Variants in KCNMA1 observed in about 807,000 individuals in gnomAD.
KCNMA1 encodes the protein Calcium-activated potassium channel subunit alpha-1.
Under a neutral mutation model 140.0 loss-of-function variants are expected in KCNMA1, and 29 were observed. The observed-to-expected ratio is 0.21, with a 90% confidence interval of 0.15 to 0.28. The LOEUF (loss-of-function observed/expected upper bound fraction) is 0.28. Among genes scored for constraint, KCNMA1 ranks in the 10% least tolerant of loss-of-function variants. The pLI, the probability that KCNMA1 is intolerant of heterozygous loss-of-function variation, is 1.00. For synonymous variants in KCNMA1, 612 were observed against 611.9 expected (o/e 1.00, Z 0.00); for missense variants, 880 against 1,602.2 (o/e 0.55, Z 7.70).
At chr10:77,522,857 ACT>A (rs138508472) in intron 1 of KCNMA1, among the ~76,000 whole-genome samples, 109 of 152,046 alleles carry the variant, frequency 7.2e-4, no homozygotes, top group African/African-American at 2.6e-3. Flanking sequence ...ATAAACCCAA[ACT>A]CTTCCATTTG....
intron 9 of KCNMA1, among the ~76,000 whole-genome samples, chr10:77,105,623 T>A (rs1032701433): frequency 1.3e-5 from 2 of 152,198 alleles, no homozygotes; most frequent in Non-Finnish European, 2.9e-5. Flanking sequence ...AGAACATGTA[T>A]GTGTGTGTCC....
chr10:77,470,450 G>A (rs1388858015), intron 1 of KCNMA1, among the ~76,000 whole-genome samples: 2 of 152,094 alleles, frequency 1.3e-5, no homozygotes, highest in South Asian at 2.1e-4. Flanking sequence ...TAAACCAAAG[G>A]CCCGGCACCC....
intron 1 of KCNMA1, among the ~76,000 whole-genome samples, chr10:77,429,080 G>C (rs934301456): frequency 3.3e-5 from 5 of 152,184 alleles, no homozygotes; most frequent in Admixed American, 1.3e-4. Context: ...TCTGGTGCCA[G>C]AAATGTGCAG....
chr10:77,367,332 T>C (rs1360502377), intron 2 of KCNMA1, among the ~76,000 whole-genome samples: 1 of 152,186 alleles, frequency 6.6e-6, no homozygotes, highest in Non-Finnish European at 1.5e-5. Flanking sequence ...ATAAAATATT[T>C]GAATTTTATC....
At chr10:77,225,789 G>A (rs1015490815) in intron 3 of KCNMA1, among the ~76,000 whole-genome samples, 1 of 152,222 alleles carries the variant, frequency 6.6e-6, no homozygotes, top group Non-Finnish European at 1.5e-5. Context: ...GGAGGAGCGT[G>A]GCAACCTTCC....
rs552838677 is a variant in KCNMA1, at chr10:77,501,582, G to A, written c.379-97559C>T. Among the ~76,000 whole-genome samples, 13 of 152,244 alleles carry A rather than the reference G, an allele frequency of 8.5e-5. No homozygotes were observed. The South Asian group carries it at 1.2e-3, about 15-fold the overall frequency. On this transcript the variant is annotated intron_variant, in intron 1 of 27. Transcript: ENST00000286628. ...CAGGGCCTCCTTCCCTGATGCACACGGCCCTCTATCCCTGCCCCCCAGCCT... is the reference window on the plus strand; with the variant it reads ...CAGGGCCTCCTTCCCTGATGCACACAGCCCTCTATCCCTGCCCCCCAGCCT...
At chr10:77,589,563 T>C (rs892230865) in intron 1 of KCNMA1, among the ~76,000 whole-genome samples, 9 of 152,186 alleles carry the variant, frequency 5.9e-5, no homozygotes, top group Non-Finnish European at 1.3e-4. Context: ...GTGTACATCC[T>C]ACTGTGTCCG....
At chr10:77,270,417 T>C (rs1600711895) in intron 2 of KCNMA1, among the ~76,000 whole-genome samples, 1 of 152,182 alleles carries the variant, frequency 6.6e-6, no homozygotes, top group Non-Finnish European at 1.5e-5. Flanking sequence ...GTGCTTAGGA[T>C]GATGGCTCAA....
intron 1 of KCNMA1, among the ~76,000 whole-genome samples, chr10:77,472,446 C>T (rs2098185448): frequency 6.7e-6 from 1 of 148,514 alleles, no homozygotes; most frequent in Non-Finnish European, 1.5e-5. Context: ...GCACGTCACA[C>T]ACACATCACA....
rs191850041 is a variant in KCNMA1 at position 77,168,427 on chromosome 10, T to C, written c.808+14994A>G. Among the ~76,000 whole-genome samples the C allele has an allele frequency of 7.2e-5, 11 of 152,322 alleles. No homozygotes were observed. In the East Asian group the frequency reaches 2.1e-3, roughly 29 times the overall value. On this transcript the variant is annotated intron_variant, in intron 5 of 27. Transcript: ENST00000286628. Reference sequence around the variant, plus strand: ...AGTACACTTAGACAAACCTAGATTGTATAGCCTCCTACACACCTAGGCTAT... The same window carrying C: ...AGTACACTTAGACAAACCTAGATTGCATAGCCTCCTACACACCTAGGCTAT...
chr10:77,380,660 C>T (rs1417837555), intron 2 of KCNMA1, among the ~76,000 whole-genome samples: 1 of 152,096 alleles, frequency 6.6e-6, no homozygotes, highest in African/African-American at 2.4e-5. Flanking sequence ...GCTGTAGATC[C>T]ACATCTGGTT....
At position 77,390,837 on chromosome 10, in the gene KCNMA1, CT is replaced by C. The variant is rs138837467; in HGVS notation, c.540+13024del. ...GCAGCCTCTGTCCCCTGAAATGCCACTTTTTTTTTTGTGATTCAGCCTCTGT... is the reference window on the plus strand; with the variant it reads ...GCAGCCTCTGTCCCCTGAAATGCCACTTTTTTTTTGTGATTCAGCCTCTGT... On this transcript the variant is annotated intron_variant, in intron 2 of 27. Coordinates refer to ENST00000286628, the MANE Select transcript of KCNMA1 (RefSeq NM_001161352.2). Among the ~76,000 whole-genome samples, 129 of 149,326 alleles carry C rather than the reference CT, an allele frequency of 8.6e-4. No individual in the cohort carries two copies. In the Middle Eastern group the frequency reaches 0.01, roughly 12 times the overall value.
At chr10:77,202,276 C>A (rs1307114888) in intron 3 of KCNMA1, among the ~76,000 whole-genome samples, 1 of 152,158 alleles carries the variant, frequency 6.6e-6, no homozygotes, top group Non-Finnish European at 1.5e-5. Context: ...CAAAGGAGTG[C>A]TAATTGAGGC....
At chr10:76,960,618 GTTTTTTTTTTTTTTTT>G (rs55685324) in intron 20 of KCNMA1, among the ~76,000 whole-genome samples, 1 of 59,296 alleles carries the variant, frequency 1.7e-5, no homozygotes, top group Non-Finnish European at 3.2e-5. Context: ...TTATGGTTTT[GTTTTTTTTTTTTTTTT>G]TTTTTTTTTT....
chr10:77,374,761 A>G (rs1051611945), intron 2 of KCNMA1, among the ~76,000 whole-genome samples: 2 of 152,178 alleles, frequency 1.3e-5, no homozygotes, highest in African/African-American at 2.4e-5. Flanking sequence ...ACAAACAGAC[A>G]TGAGTCCATT....
chr10:77,547,619 A>G (rs908091768), intron 1 of KCNMA1, among the ~76,000 whole-genome samples: 18 of 152,232 alleles, frequency 1.2e-4, no homozygotes, highest in Admixed American at 6.5e-4. Flanking sequence ...ATCTGCATGA[A>G]AGGCACATGT....
At chr10:77,636,725 G>T (rs959312558) in intron 1 of KCNMA1, 7 of 1,503,538 alleles carry the variant, frequency 4.7e-6, no homozygotes, top group African/African-American at 2.8e-5. Context: ...TCCTCCCCCG[G>T]GATTCCCTTG....
intron 3 of KCNMA1, among the ~76,000 whole-genome samples, chr10:77,208,015 C>T (rs189925210): frequency 6.6e-6 from 1 of 152,340 alleles, no homozygotes; most frequent in Admixed American, 6.5e-5. Flanking sequence ...CTTCTTTTGT[C>T]CTCATTTGGA....
At chr10:77,044,888 G>A (rs973035573) in intron 14 of KCNMA1, among the ~76,000 whole-genome samples, 1 of 152,168 alleles carries the variant, frequency 6.6e-6, no homozygotes, top group Admixed American at 6.5e-5. Flanking sequence ...GGGAGGTTGT[G>A]GTGTTAGGAT....
Sources: allele counts gnomAD v4.1 joint callset (sites outside exome capture counted in the v4.1 genomes callset), GRCh38; gene constraint gnomAD v4.1.1; transcripts MANE v1.5; gene names NCBI Gene and HGNC (gene_info 2026-07-23, HGNC 2026-07-21).